The following ASH2L variants were observed in gnomAD, a reference collection of about 807,000 sequenced individuals.
The protein encoded by ASH2L is set1/Ash2 histone methyltransferase complex subunit ASH2.
ASH2L carries 30 observed loss-of-function variants against 81.1 expected under a neutral mutation model. The observed-to-expected ratio is 0.37, with a 90% CI of 0.28 to 0.50. The LOEUF (loss-of-function observed/expected upper bound fraction) is 0.50. ASH2L is among the 20% of genes least tolerant of loss of function. The pLI is 0.95. For missense variants in ASH2L, 559 were observed against 792.1 expected (o/e 0.71, Z 3.53); for synonymous variants, 273 against 279.9 (o/e 0.98, Z 0.24).
intron 3 of ASH2L, among the ~76,000 whole-genome samples, chr8:38,107,900 G>GTGTGTATA (rs1810516999): frequency 6.9e-6 from 1 of 144,378 alleles, no homozygotes; most frequent in African/African-American, 2.7e-5. Context: ...GTGTGTGTGT[G>GTGTGTATA]TGTGTATATG....
intron 12 of ASH2L, among the ~76,000 whole-genome samples, chr8:38,130,033 T>G (rs1801994657): frequency 6.6e-6 from 1 of 152,218 alleles, no homozygotes; most frequent in Admixed American, 6.5e-5. Flanking sequence ...TGCTGACATT[T>G]ATGATTGTCT....
At chr8:38,116,864 G>T in intron 8 of ASH2L, 139 bp downstream of exon 8, 1 of 692,526 alleles carries the variant, frequency 1.4e-6, no homozygotes. Context: ...CAATTTTTAG[G>T]AACTAGCCAA....
chr8:38,111,834 A>T (rs1810693959), intron 5 of ASH2L, among the ~76,000 whole-genome samples: 1 of 152,194 alleles, frequency 6.6e-6, no homozygotes, highest in Non-Finnish European at 1.5e-5. Flanking sequence ...TAATCATAAT[A>T]AAAAAATTTA....
rs756901476 is a variant in ASH2L, at chr8:38,105,614, G to C, written c.64G>C (p.Ala22Pro). Residue 22 changes from alanine (A) to proline (P), a missense_variant, in exon 1 of 16, where the codon GCA becomes CCA. By Grantham distance (27) the Ala-to-Pro change is conservative. Around this residue, in one of 4 missense-constraint regions of ASH2L, gnomAD observed 145 missense variants for 115.5 expected, o/e 1.26. Transcript: ENST00000343823. ...AGAGPGPGAV[A>P]NATGAEEGEM... ...TGCCGGGCCTGGCCCAGGAGCGGTCGCAAATGCAACAGGGGCAGAAGAGGG... is the reference window on the plus strand; with the variant it reads ...TGCCGGGCCTGGCCCAGGAGCGGTCCCAAATGCAACAGGGGCAGAAGAGGG... The C allele has an allele frequency of 3.1e-6, 5 of 1,603,874 alleles. No homozygotes were observed. Among genetic ancestry groups the C allele is most frequent in the Non-Finnish European group, 4.3e-6 (5 of 1,175,994 alleles).
At chr8:38,106,002 C>G (rs954626983) in intron 1 of ASH2L, 1 of 1,531,264 alleles carries the variant, frequency 6.5e-7, no homozygotes, top group South Asian at 1.2e-5. Flanking sequence ...GTAGCTCACA[C>G]TTTAACGGGA....
intron 11 of ASH2L, 37 bp from the exon 12 acceptor site, chr8:38,128,721 A>G (rs1000899468): frequency 1.3e-6 from 2 of 1,580,098 alleles, no homozygotes; most frequent in Non-Finnish European, 1.7e-6. Context: ...TTGACTTGCA[A>G]TCTTCTGACT....
At position 38,128,318 on chromosome 8, in the gene ASH2L, G is replaced by T; in HGVS notation, c.1193G>T (p.Arg398Leu). ...CCCCAGTTAAAGATCTCAGATGACC[G>T]GCTGACTGTGGTTGGAGAGAAGGGC... The part of the protein sequence containing the change: ...RAPQLKISDD[R>L]LTVVGEKGYS... The change falls in exon 11 of 16, where the codon CGG (arginine) becomes CTG (leucine). Residue 398 changes from arginine to leucine, a missense_variant. Around this residue, in one of 4 missense-constraint regions of ASH2L, gnomAD observed 318 missense variants for 527.0 expected, o/e 0.60. Transcript: ENST00000343823. 1 of 1,614,092 alleles carries T rather than the reference G, an allele frequency of 6.2e-7. No homozygotes were observed. Among genetic ancestry groups the T allele is most frequent in the Non-Finnish European group, 8.5e-7 (1 of 1,180,000 alleles).
intron 2 of ASH2L, 128 bp from the exon 3 acceptor site, chr8:38,106,893 G>A: frequency 9.1e-7 from 1 of 1,102,664 alleles, no homozygotes; most frequent in South Asian, 1.6e-5. Context: ...CACTTTGGGA[G>A]GCTGAGACCT....
In ASH2L at chr8:38,128,854, C is replaced by G. The variant is rs770141592; in HGVS notation, c.1430C>G (p.Ser477Cys). ...KFHQSIGKHY[S>C]SGYGQGDVLG... ...CACCAGTCCATTGGCAAACACTACT[C>G]TTCTGGCTATGGACAGGGAGACGTC... is the stretch of plus-strand genomic sequence containing the variant. The change falls in exon 12 of 16, where the codon TCT (serine) becomes TGT (cysteine). Residue 477 changes from serine to cysteine, a missense_variant. By Grantham distance (112) the Ser-to-Cys change is moderately radical. This residue lies in a region of ASH2L where 318 missense variants were observed against 527.0 expected (regional missense o/e 0.60). Coordinates refer to ENST00000343823, the MANE Select transcript of ASH2L (RefSeq NM_004674.5). The G allele has an allele frequency of 6.2e-7, 1 of 1,614,190 alleles. No individual in the cohort carries two copies. Among genetic ancestry groups the G allele is most frequent in the Non-Finnish European group, 8.5e-7 (1 of 1,180,044 alleles).
intron 3 of ASH2L, among the ~76,000 whole-genome samples, chr8:38,109,318 C>G (rs533656154): frequency 2.6e-5 from 4 of 152,312 alleles, no homozygotes; most frequent in Admixed American, 1.3e-4. Context: ...TAAGGAAACT[C>G]AGCTGTAACA....
chr8:38,133,369 AACACT>A, intron 12 of ASH2L, 80 bp from the exon 13 acceptor site: 1 of 879,224 alleles, frequency 1.1e-6, no homozygotes, highest in South Asian at 1.4e-5. Flanking sequence ...TCAAGGGGTT[AACACT>A]ATTTGTGTGC....
At chr8:38,116,016 C>T (rs532134681) in intron 7 of ASH2L, among the ~76,000 whole-genome samples, 12 of 152,058 alleles carry the variant, frequency 7.9e-5, no homozygotes, top group East Asian at 1.9e-4. Flanking sequence ...CATTTGAGAT[C>T]GGGAGTTGGA....
intron 13 of ASH2L, among the ~76,000 whole-genome samples, 154 bp downstream of exon 13, chr8:38,133,700 G>C (rs1802148559): frequency 6.6e-6 from 1 of 152,192 alleles, no homozygotes; most frequent in African/African-American, 2.4e-5. Flanking sequence ...TCTGCTTATT[G>C]TGTTTTGCTC....
chr8:38,139,017 G>T lies in ASH2L; in HGVS notation c.1833G>T (p.Leu611Phe), dbSNP rs747913337. The change falls in exon 16 of 16, where the codon TTG (leucine) becomes TTT (phenylalanine). Residue 611 changes from leucine to phenylalanine, a missense_variant. Physicochemically the swap from Leu to Phe is conservative, Grantham distance 22. This residue lies in a region of ASH2L where 95 missense variants were observed against 130.7 expected (regional missense o/e 0.73). Coordinates refer to ENST00000343823, the MANE Select transcript of ASH2L (RefSeq NM_004674.5). ...TAGAGCACACCCTGGCTGACGTCTTGTATCACGTGGAGACAGAAGTGGATG... is the reference window on the plus strand; with the variant it reads ...TAGAGCACACCCTGGCTGACGTCTTTTATCACGTGGAGACAGAAGTGGATG... Reference protein sequence around the residue: ...AVVEHTLADVLYHVETEVDGR... With the variant: ...AVVEHTLADVFYHVETEVDGR... The T allele has an allele frequency of 3.1e-6, 5 of 1,612,084 alleles. No individual in the cohort carries two copies. Among genetic ancestry groups the T allele is most frequent in the Non-Finnish European group, 4.2e-6 (5 of 1,179,130 alleles).
At chr8:38,115,150 T>G (rs923407909) in intron 7 of ASH2L, 150 bp downstream of exon 7, 5 of 613,966 alleles carry the variant, frequency 8.1e-6, no homozygotes, top group Non-Finnish European at 1.5e-5. Flanking sequence ...GTGACTGATA[T>G]GAGAGTACTC....
intron 14 of ASH2L, 133 bp from the exon 15 acceptor site, chr8:38,138,683 T>G (rs1802366318): frequency 4.4e-6 from 3 of 675,814 alleles, no homozygotes; most frequent in Non-Finnish European, 7.7e-6. Flanking sequence ...ATATTTAATA[T>G]ATATCTTATT....
chr8:38,135,547 C>T (rs1585611756), intron 13 of ASH2L, 121 bp from the exon 14 acceptor site: 1 of 639,550 alleles, frequency 1.6e-6, no homozygotes, highest in East Asian at 2.7e-5. Flanking sequence ...AAGTTATGCA[C>T]TGTTCTTGGG....
rs776117685 is a variant in ASH2L, at chr8:38,128,845, A to G, written c.1421A>G (p.Lys474Arg). Reference protein sequence around the residue: ...KGTKFHQSIGKHYSSGYGQGD... With the variant: ...KGTKFHQSIGRHYSSGYGQGD... ...ACCAAGTTCCACCAGTCCATTGGCA[A>G]ACACTACTCTTCTGGCTATGGACAG... is the stretch of plus-strand genomic sequence containing the variant. Residue 474 changes from lysine to arginine, a missense_variant, in exon 12 of 16, where the codon AAA becomes AGA. This residue lies in a region of ASH2L where 318 missense variants were observed against 527.0 expected (regional missense o/e 0.60). Coordinates refer to ENST00000343823, the MANE Select transcript of ASH2L (RefSeq NM_004674.5). 1.2e-6 allele frequency: 2 copies of G among 1,614,078 alleles called. No individual in the cohort carries two copies. Among genetic ancestry groups the G allele is most frequent in the Non-Finnish European group, 1.7e-6 (2 of 1,180,038 alleles).
intron 3 of ASH2L, among the ~76,000 whole-genome samples, chr8:38,109,876 A>G (rs1457172530): frequency 6.6e-6 from 1 of 152,218 alleles, no homozygotes; most frequent in Non-Finnish European, 1.5e-5. Context: ...TAGGTACTCA[A>G]AAAATAAACT....
Sources: allele counts gnomAD v4.1 joint callset (sites outside exome capture counted in the v4.1 genomes callset), GRCh38; gene constraint gnomAD v4.1.1; regional missense constraint gnomAD v4.1.1; transcripts MANE v1.5; gene names NCBI Gene and HGNC (gene_info 2026-07-23, HGNC 2026-07-21).